The following RBFOX1 variants were observed in gnomAD, a reference collection of about 807,000 sequenced individuals.
RBFOX1 encodes the protein RNA binding fox-1 homolog 1, also known as RNA binding protein fox-1 homolog 1.
In RBFOX1, 8 loss-of-function variants were observed where a neutral mutation model predicts 57.7. That is an observed-to-expected ratio of 0.14 (90% CI 0.08 to 0.25). The LOEUF (loss-of-function observed/expected upper bound fraction) is 0.25, where lower values mean the gene tolerates loss of function less well. Ranked by LOEUF, RBFOX1 falls within the 10% of genes least tolerant of loss-of-function variation. The pLI is 1.00. For missense variants in RBFOX1, 611 were observed against 548.5 expected (o/e 1.11, Z -1.14); for synonymous variants, 326 against 222.4 (o/e 1.47, Z -4.15).
chr16:6,189,878 G>T (rs2097131133), intron 1 of RBFOX1, among the ~76,000 whole-genome samples: 1 of 152,078 alleles, frequency 6.6e-6, no homozygotes, highest in Non-Finnish European at 1.5e-5. Flanking sequence ...GATCCCAATT[G>T]TCCATGTTTG....
chr16:5,287,298 C>T (rs72775767), intron 1 of RBFOX1, among the ~76,000 whole-genome samples: 4,859 of 150,950 alleles, frequency 0.032, 116 homozygotes, highest in Middle Eastern at 0.058. Flanking sequence ...AGTGAGACCC[C>T]GTTTCAAAAA....
At chr16:6,500,797 G>A (rs536787523) in intron 2 of RBFOX1, among the ~76,000 whole-genome samples, 3 of 151,830 alleles carry the variant, frequency 2.0e-5, no homozygotes, top group Non-Finnish European at 2.9e-5. Flanking sequence ...TGATATGTGT[G>A]CAGGAGAAAA....
At chr16:6,810,686 A>G (rs1246019957) in intron 3 of RBFOX1, among the ~76,000 whole-genome samples, 1 of 152,146 alleles carries the variant, frequency 6.6e-6, no homozygotes, top group Non-Finnish European at 1.5e-5. Flanking sequence ...GTCCTCTGGA[A>G]ACGTACAATC....
At chr16:6,433,187 A>C (rs949389402) in intron 2 of RBFOX1, among the ~76,000 whole-genome samples, 1 of 152,198 alleles carries the variant, frequency 6.6e-6, no homozygotes, top group Admixed American at 6.5e-5. Flanking sequence ...AGTGAAAAGC[A>C]GTCAGGTGTT....
rs112799993 is a variant in RBFOX1, at chr16:6,177,423, C to G, written c.-126-139572C>G. Among the ~76,000 whole-genome samples the G allele has an allele frequency of 7.2e-3, 1,094 of 152,084 alleles. 12 individuals carry two copies. Among genetic ancestry groups the G allele is most frequent in the Non-Finnish European group, 0.011 (720 of 68,008 alleles). ...GATTTTTTTCTTATTTGACTATTGG[C>G]TTATGATTTGTGGGGTAGAGGAGGT... On this transcript the variant is annotated intron_variant, in intron 1 of 15. Coordinates refer to ENST00000550418, the MANE Select transcript of RBFOX1 (RefSeq NM_018723.4).
intron 3 of RBFOX1, among the ~76,000 whole-genome samples, chr16:5,815,850 C>G (rs1047419533): frequency 6.6e-6 from 1 of 152,158 alleles, no homozygotes; most frequent in Non-Finnish European, 1.5e-5. Flanking sequence ...CACTAATGAA[C>G]TCAGATGGGG....
chr16:5,454,705 G>C (rs1403834397), intron 1 of RBFOX1, among the ~76,000 whole-genome samples: 1 of 134,528 alleles, frequency 7.4e-6, no homozygotes, highest in Non-Finnish European at 1.6e-5. Flanking sequence ...TAATTATTAG[G>C]TAAACCAGTT....
intron 3 of RBFOX1, among the ~76,000 whole-genome samples, chr16:5,734,405 G>A (rs1017799595): frequency 6.6e-6 from 1 of 152,140 alleles, no homozygotes; most frequent in East Asian, 1.9e-4. Flanking sequence ...TCCAGCCTGG[G>A]CAAGAGAACA....
At chr16:5,565,596 G>A (rs1277694089) in intron 2 of RBFOX1, among the ~76,000 whole-genome samples, 1 of 151,728 alleles carries the variant, frequency 6.6e-6, no homozygotes, top group African/African-American at 2.4e-5. Flanking sequence ...CTGTACTCCA[G>A]CCTGGGCAAT....
intron 2 of RBFOX1, among the ~76,000 whole-genome samples, chr16:6,366,041 G>T (rs2089541787): frequency 6.7e-6 from 1 of 150,090 alleles, no homozygotes; most frequent in South Asian, 2.1e-4. Context: ...TTGGCTCCTT[G>T]CCTGACTTTC....
At chr16:7,027,806 TAAATG>T (rs1383428595) in intron 3 of RBFOX1, among the ~76,000 whole-genome samples, 1 of 146,652 alleles carries the variant, frequency 6.8e-6, no homozygotes, top group East Asian at 2.0e-4. Flanking sequence ...AAGGAAGAAA[TAAATG>T]AGAAAGAAGG....
chr16:7,303,133 C>A (rs111986489), intron 4 of RBFOX1, among the ~76,000 whole-genome samples: 1 of 152,214 alleles, frequency 6.6e-6, no homozygotes. Flanking sequence ...TTGATTTCCA[C>A]GCCAGCCTGG....
At chr16:5,648,523 G>C (rs1001872317) in intron 3 of RBFOX1, among the ~76,000 whole-genome samples, 37 of 152,016 alleles carry the variant, frequency 2.4e-4, no homozygotes, top group African/African-American at 8.5e-4. Flanking sequence ...TACAACTTGC[G>C]GGGAGGTGGT....
At chr16:7,442,004 C>G (rs949119269) in intron 4 of RBFOX1, among the ~76,000 whole-genome samples, 3 of 152,212 alleles carry the variant, frequency 2.0e-5, no homozygotes, top group Non-Finnish European at 4.4e-5. Flanking sequence ...TCTTTGTCAG[C>G]ACAAATGAGC....
At chr16:6,060,199 G>A in intron 1 of RBFOX1, among the ~76,000 whole-genome samples, 1 of 136,052 alleles carries the variant, frequency 7.4e-6, no homozygotes, top group Non-Finnish European at 1.5e-5. Context: ...TTACTAATTG[G>A]AAGGAATAAG....
At chr16:5,963,140 G>C (rs995530400) in intron 4 of RBFOX1, among the ~76,000 whole-genome samples, 2 of 152,180 alleles carry the variant, frequency 1.3e-5, no homozygotes, top group East Asian at 1.9e-4. Flanking sequence ...ATGAAAATCT[G>C]CATGTTGATC....
intron 14 of RBFOX1, among the ~76,000 whole-genome samples, chr16:7,696,526 T>G (rs747366377): frequency 6.8e-6 from 1 of 146,884 alleles, no homozygotes; most frequent in Non-Finnish European, 1.5e-5. Context: ...GCAAGTTACT[T>G]AATCAGTGAC....
At chr16:6,855,853 C>CCCTCTTTCCCTT (rs142108703) in intron 3 of RBFOX1, among the ~76,000 whole-genome samples, 1 of 148,734 alleles carries the variant, frequency 6.7e-6, no homozygotes. Flanking sequence ...CTCTTTCCCT[C>CCCTCTTTCCCTT]CCTTCCTTTC....
chr16:5,472,248 G>C (rs748228768), intron 2 of RBFOX1, among the ~76,000 whole-genome samples: 6 of 152,078 alleles, frequency 3.9e-5, no homozygotes, highest in Non-Finnish European at 8.8e-5. Context: ...TTCCACCCAC[G>C]AGGCATAGGG....
Sources: gnomAD v4.1 joint callset for allele counts (sites outside exome capture counted in the v4.1 genomes callset) on GRCh38, gnomAD v4.1.1 for gene constraint, MANE v1.5 for transcripts, NCBI Gene and HGNC (gene_info 2026-07-23, HGNC 2026-07-21) for gene names.